Variants in BRINP1 observed in about 807,000 individuals in gnomAD.
BRINP1 encodes BMP/retinoic acid-inducible neural-specific protein 1.
A neutral mutation model predicts 72.9 loss-of-function variants in BRINP1; 17 were observed. The observed-to-expected ratio is 0.23, with a 90% CI of 0.16 to 0.35. The LOEUF (loss-of-function observed/expected upper bound fraction) is 0.35. Among genes scored for constraint, BRINP1 ranks in the 10% least tolerant of loss-of-function variants. BRINP1 has a pLI of 1.00. For synonymous variants in BRINP1, 418 were observed against 378.5 expected (o/e 1.10, Z -1.21); for missense variants, 850 against 1,001.6 (o/e 0.85, Z 2.04).
intron 2 of BRINP1, among the ~76,000 whole-genome samples, chr9:119,289,328 T>C (rs1830799974): frequency 6.6e-6 from 1 of 152,330 alleles, no homozygotes; most frequent in Non-Finnish European, 1.5e-5. Flanking sequence ...ATTGGTATTC[T>C]CTACCTGTAA....
At chr9:119,182,398 A>T (rs974675647) in intron 7 of BRINP1, among the ~76,000 whole-genome samples, 2 of 152,228 alleles carry the variant, frequency 1.3e-5, no homozygotes, top group Non-Finnish European at 2.9e-5. Flanking sequence ...TATATTTGCA[A>T]TACCTCTAGC....
At chr9:119,366,894 T>C (rs1274566340) in intron 1 of BRINP1, among the ~76,000 whole-genome samples, 3 of 151,962 alleles carry the variant, frequency 2.0e-5, no homozygotes, top group African/African-American at 4.8e-5. Flanking sequence ...TTCTGCTCTT[T>C]AATATTCCTT....
chr9:119,335,075 G>A lies in BRINP1; in HGVS notation c.-50-21670C>T, dbSNP rs374737490. Among the ~76,000 whole-genome samples the A allele has an allele frequency of 3.9e-5, 6 of 152,296 alleles. No homozygotes were observed. In the South Asian group the frequency reaches 6.2e-4, roughly 16 times the overall value. On this transcript the variant is annotated intron_variant, in intron 1 of 7. Coordinates refer to ENST00000265922, the MANE Select transcript of BRINP1 (RefSeq NM_014618.3). ...GAAAGATTATAATATTCTCCCGACT[G>A]AGACGGACACAAACAGCCAGCTCAG...
chr9:119,184,940 CCAAAGA>C (rs1829600081), intron 7 of BRINP1, among the ~76,000 whole-genome samples: 1 of 152,090 alleles, frequency 6.6e-6, no homozygotes, highest in Non-Finnish European at 1.5e-5. Context: ...ATAATGCTTT[CCAAAGA>C]CTTTTGCACA....
intron 1 of BRINP1, among the ~76,000 whole-genome samples, chr9:119,355,460 G>A (rs957989633): frequency 1.3e-5 from 2 of 152,144 alleles, no homozygotes; most frequent in African/African-American, 4.8e-5. Context: ...CGGGCACGGT[G>A]GCTCACGCCT....
chr9:119,334,753 A>T lies in BRINP1; in HGVS notation c.-50-21348T>A, dbSNP rs1285379946. ...ACTATAATTCTGTACTGGTGAAATA[A>T]GGAAGAAACTTGCACTTTATGGAGG... On this transcript the variant is annotated intron_variant, in intron 1 of 7. Coordinates refer to ENST00000265922, the MANE Select transcript of BRINP1 (RefSeq NM_014618.3). 3.4e-5 allele frequency among the ~76,000 whole-genome samples: 5 copies of T among 147,184 alleles called. No individual in the cohort carries two copies. The East Asian group carries it at 1.0e-3, about 31-fold the overall frequency.
At chr9:119,284,766 T>C (rs1196494119) in intron 2 of BRINP1, among the ~76,000 whole-genome samples, 1 of 152,154 alleles carries the variant, frequency 6.6e-6, no homozygotes. Flanking sequence ...AATTCCAACA[T>C]ATCAGTAGCT....
At chr9:119,340,580 T>A (rs961110734) in intron 1 of BRINP1, among the ~76,000 whole-genome samples, 1 of 152,194 alleles carries the variant, frequency 6.6e-6, no homozygotes, top group Non-Finnish European at 1.5e-5. Context: ...ACAATCCCAT[T>A]CTATATAGGG....
intron 1 of BRINP1, among the ~76,000 whole-genome samples, chr9:119,330,259 ACAGTCCAAATTCTTTAACAAGG>A (rs1831286323): frequency 6.6e-6 from 1 of 152,180 alleles, no homozygotes; most frequent in Non-Finnish European, 1.5e-5. Flanking sequence ...CCTGAAGGAT[ACAGTCCAAATTCTTTAACAAGG>A]CATTTTATTT....
Position 119,311,666 on chromosome 9 carries a change from T to C in BRINP1, c.218+1472A>G, listed in dbSNP as rs374981989. 3.3e-5 allele frequency among the ~76,000 whole-genome samples: 5 copies of C among 152,348 alleles called. 1 individual carries two copies. Among genetic ancestry groups the C allele is most frequent in the African/African-American group, 1.2e-4 (5 of 41,590 alleles). ...AGCTTACCTAATGTCACAAGACCAG[T>C]GCGTGAAGAACTGAAATCAGTATCT... On this transcript the variant is annotated intron_variant, in intron 2 of 7. Transcript: ENST00000265922.
At chr9:119,181,696 T>C (rs1829560209) in intron 7 of BRINP1, among the ~76,000 whole-genome samples, 1 of 152,200 alleles carries the variant, frequency 6.6e-6, no homozygotes, top group South Asian at 2.1e-4. Context: ...GCCTAATATC[T>C]TCAACTCATT....
intron 2 of BRINP1, among the ~76,000 whole-genome samples, chr9:119,255,299 T>G (rs931908477): frequency 6.6e-6 from 1 of 152,218 alleles, no homozygotes; most frequent in African/African-American, 2.4e-5. Flanking sequence ...AATATGCTTA[T>G]GCCCAATTAA....
intron 7 of BRINP1, among the ~76,000 whole-genome samples, chr9:119,177,321 G>A (rs143308624): frequency 0.02 from 3,027 of 152,186 alleles, 58 homozygotes; most frequent in Non-Finnish European, 0.027. Context: ...CCAGCCTTCA[G>A]GAAACGGAGC....
chr9:119,236,795 TGTCTACTCTTTTTTCTGCTACTC>T (rs1830196405), intron 5 of BRINP1, among the ~76,000 whole-genome samples: 1 of 152,210 alleles, frequency 6.6e-6, no homozygotes, highest in Admixed American at 6.5e-5. Context: ...CTCTTTTTTC[TGTCTACTCTTTTTTCTGCTACTC>T]TTTTCTGTCT....
intron 1 of BRINP1, among the ~76,000 whole-genome samples, chr9:119,366,503 C>CAT (rs1418552790): frequency 1.4e-4 from 19 of 136,226 alleles, no homozygotes; most frequent in East Asian, 4.3e-4. Context: ...CCCCCACCAC[C>CAT]GTGTGTGTGT....
At chr9:119,195,972 T>C (rs1047550112) in intron 7 of BRINP1, among the ~76,000 whole-genome samples, 1 of 152,218 alleles carries the variant, frequency 6.6e-6, no homozygotes, top group Non-Finnish European at 1.5e-5. Context: ...ATTTGAAACA[T>C]ATGAAAACTT....
chr9:119,320,282 T>C (rs1831172277), intron 1 of BRINP1, among the ~76,000 whole-genome samples: 1 of 152,132 alleles, frequency 6.6e-6, no homozygotes, highest in Non-Finnish European at 1.5e-5. Flanking sequence ...TCACTCTATC[T>C]CCCTCTCATC....
chr9:119,365,194 C>A (rs1831679157), intron 1 of BRINP1, among the ~76,000 whole-genome samples: 2 of 152,152 alleles, frequency 1.3e-5, no homozygotes, highest in African/African-American at 2.4e-5. Flanking sequence ...AAAATAAGAT[C>A]TTGAGAAGAC....
chr9:119,187,629 T>C (rs1215167989), intron 7 of BRINP1, among the ~76,000 whole-genome samples: 1 of 151,830 alleles, frequency 6.6e-6, no homozygotes, highest in Non-Finnish European at 1.5e-5. Context: ...TGCACAGATA[T>C]AAACATAAGG....
Sources: allele counts gnomAD v4.1 joint callset (sites outside exome capture counted in the v4.1 genomes callset), GRCh38; gene constraint gnomAD v4.1.1; transcripts MANE v1.5; gene names NCBI Gene and HGNC (gene_info 2026-07-23, HGNC 2026-07-21).